Variants in PDE1C observed in about 807,000 individuals in gnomAD.
PDE1C encodes the protein phosphodiesterase 1C.
A neutral mutation model predicts 93.1 loss-of-function variants in PDE1C; 62 were observed. That is an observed-to-expected ratio of 0.67 (90% CI 0.54 to 0.82). The LOEUF (loss-of-function observed/expected upper bound fraction) is 0.82. Among genes scored for constraint, PDE1C ranks in the 40% least tolerant of loss-of-function variants. The pLI, the probability that PDE1C is intolerant of heterozygous loss-of-function variation, is 0.00. For synonymous variants in PDE1C, 325 were observed against 310.1 expected, an observed-to-expected ratio of 1.05 and a Z score of -0.50; for missense variants, 742 against 884.6, an observed-to-expected ratio of 0.84 and a Z score of 2.04.
At chr7:31,820,596 C>G (rs1404190590) in intron 14 of PDE1C, 3 of 152,060 alleles carry the variant, frequency 2.0e-5, no homozygotes, top group Non-Finnish European at 4.4e-5. Flanking sequence ...ACTAACAATA[C>G]ATGTTCAAGT....
At chr7:31,655,859 C>T in the PDE1C span, 30 of 985,518 alleles carry the variant, frequency 3.0e-5, no homozygotes, top group South Asian at 9.4e-5. Flanking sequence ...TTCCCTGTAA[C>T]GCCTACGGAA....
intron 1 of PDE1C, among the ~76,000 whole-genome samples, chr7:32,271,165 A>G (rs756083191): frequency 7.2e-5 from 11 of 151,926 alleles, no homozygotes; most frequent in Non-Finnish European, 1.3e-4. Context: ...AAACAAACAA[A>G]CAGGGCTCTG....
chr7:32,083,895 T>C (rs1047554117), intron 3 of PDE1C, among the ~76,000 whole-genome samples: 5 of 151,302 alleles, frequency 3.3e-5, no homozygotes, highest in African/African-American at 1.2e-4. Flanking sequence ...TGCTGCAAAA[T>C]CATGCCAAAA....
At chr7:31,977,215 G>T (rs1277358833) in intron 2 of PDE1C, among the ~76,000 whole-genome samples, 3 of 152,094 alleles carry the variant, frequency 2.0e-5, no homozygotes, top group Non-Finnish European at 4.4e-5. Context: ...CATTAGGGTG[G>T]AGTCCCCATG....
At chr7:32,228,108 A>T (rs147158342) in intron 1 of PDE1C, among the ~76,000 whole-genome samples, 2 of 152,356 alleles carry the variant, frequency 1.3e-5, no homozygotes, top group East Asian at 3.9e-4. Context: ...CTCTACTGTC[A>T]TTTTAAGCTG....
chr7:31,657,804 T>A, the PDE1C span, among the ~76,000 whole-genome samples: 2 of 152,184 alleles, frequency 1.3e-5, no homozygotes, highest in African/African-American at 4.8e-5. Context: ...ACAGCAAAAC[T>A]TCTCATTATG....
chr7:31,668,837 CAATG>C, the PDE1C span, among the ~76,000 whole-genome samples: 23 of 152,072 alleles, frequency 1.5e-4, no homozygotes, highest in East Asian at 4.4e-3. Flanking sequence ...AATTATATCT[CAATG>C]AACTACTAAA....
intron 2 of PDE1C, among the ~76,000 whole-genome samples, chr7:31,939,355 T>G (rs1260543301): frequency 1.3e-5 from 2 of 152,160 alleles, no homozygotes; most frequent in Non-Finnish European, 1.5e-5. Context: ...TCTTCAAGGT[T>G]GTATCCAAAT....
intron 3 of PDE1C, among the ~76,000 whole-genome samples, chr7:32,082,329 C>T (rs1796733924): frequency 6.6e-6 from 1 of 152,192 alleles, no homozygotes; most frequent in Non-Finnish European, 1.5e-5. Flanking sequence ...CGCCATTGCC[C>T]AGGCTTGCTT....
the PDE1C span, among the ~76,000 whole-genome samples, chr7:31,724,583 C>A: frequency 6.6e-6 from 1 of 152,158 alleles, no homozygotes; most frequent in Non-Finnish European, 1.5e-5. Context: ...TTTCCTTAGC[C>A]CAGTGCCCCA....
chr7:32,236,668 G>A (rs575520593), intron 1 of PDE1C, among the ~76,000 whole-genome samples: 2 of 152,236 alleles, frequency 1.3e-5, no homozygotes, highest in South Asian at 4.1e-4. Context: ...ATCAAGTGCT[G>A]GTGACAATAC....
chr7:32,420,617 G>A (rs1325818941), intron 1 of PDE1C, among the ~76,000 whole-genome samples: 1 of 151,278 alleles, frequency 6.6e-6, no homozygotes, highest in Non-Finnish European at 1.5e-5. Flanking sequence ...TTTGTCGTGA[G>A]ATTTGAGTAA....
intron 3 of PDE1C, among the ~76,000 whole-genome samples, chr7:31,880,429 T>C (rs143548519): frequency 1.3e-5 from 2 of 152,304 alleles, no homozygotes; most frequent in African/African-American, 4.8e-5. Flanking sequence ...AAACATACAA[T>C]AATTACAATG....
At chr7:31,691,331 G>T in the PDE1C span, among the ~76,000 whole-genome samples, 1 of 152,206 alleles carries the variant, frequency 6.6e-6, no homozygotes, top group Non-Finnish European at 1.5e-5. Context: ...CAACTGGTCT[G>T]TGTGTTCATC....
At chr7:31,639,541 T>TG in the PDE1C span, among the ~76,000 whole-genome samples, 5 of 44,978 alleles carry the variant, frequency 1.1e-4, no homozygotes, top group African/African-American at 1.8e-4. Context: ...TGTTTTTGTT[T>TG]TTTTTTTTTT....
intron 2 of PDE1C, among the ~76,000 whole-genome samples, chr7:32,196,743 A>G (rs545072422): frequency 2.0e-5 from 3 of 152,334 alleles, no homozygotes; most frequent in East Asian, 1.9e-4. Context: ...ACGGAGACTC[A>G]GTGGAATCCA....
At chr7:32,090,343 C>T (rs529612311) in intron 3 of PDE1C, among the ~76,000 whole-genome samples, 2 of 152,312 alleles carry the variant, frequency 1.3e-5, no homozygotes, top group African/African-American at 4.8e-5. Flanking sequence ...CCTGTGCTGA[C>T]ATTTCTTATG....
At chr7:32,344,760 C>T (rs1356724294) in intron 1 of PDE1C, among the ~76,000 whole-genome samples, 1 of 152,084 alleles carries the variant, frequency 6.6e-6, no homozygotes, top group Non-Finnish European at 1.5e-5. Flanking sequence ...TATTGTCTGT[C>T]TTCCTCTCCA....
Position 32,330,487 on chromosome 7 carries a change from G to T in PDE1C, c.310+97335C>A, listed in dbSNP as rs534563203. On this transcript the variant is annotated intron_variant, in intron 1 of 1. Transcript: ENST00000672256. ...TCAAATTAATTGATATCATCACAGA[G>T]TTATATTACTACTTAATGGACGAGC... 1.1e-4 allele frequency among the ~76,000 whole-genome samples: 16 copies of T among 152,364 alleles called. No homozygotes were observed. The South Asian group carries it at 1.7e-3, about 16-fold the overall frequency.
Sources: allele counts gnomAD v4.1 joint callset (sites outside exome capture counted in the v4.1 genomes callset), GRCh38; gene constraint gnomAD v4.1.1; transcripts MANE v1.5; gene names NCBI Gene and HGNC (gene_info 2026-07-23, HGNC 2026-07-21).